Variants in SEMA4B observed in about 807,000 individuals in gnomAD.
The protein encoded by SEMA4B is semaphorin-4B.
A neutral mutation model predicts 88.1 loss-of-function variants in SEMA4B; 55 were observed. The observed-to-expected ratio is 0.62, with a 90% CI of 0.50 to 0.78. SEMA4B has a LOEUF of 0.78. Ranked by LOEUF, SEMA4B falls within the 30% of genes least tolerant of loss-of-function variation. SEMA4B has a pLI of 0.00. For missense variants in SEMA4B, 1,062 were observed against 1,111.9 expected, an observed-to-expected ratio of 0.96 and a Z score of 0.64; for synonymous variants, 525 against 473.6, an observed-to-expected ratio of 1.11 and a Z score of -1.41.
Position 90,209,290 on chromosome 15 carries a change from C to G in SEMA4B, c.157+7555C>G, listed in dbSNP as rs186143591. 9.2e-5 allele frequency among the ~76,000 whole-genome samples: 14 copies of G among 152,246 alleles called. No individual in the cohort carries two copies. The East Asian group carries it at 2.3e-3, about 25-fold the overall frequency. On this transcript the variant is annotated intron_variant, in intron 1 of 13. Coordinates refer to ENST00000411539, the MANE Select transcript of SEMA4B (RefSeq NM_198925.4). ...CAAAGACCGGGCGCGGTGGCTCACA[C>G]CTGTAATCCCAACACTTTGGGAGGC...
At chr15:90,192,653 C>T (rs1009959942) in intron 1 of SEMA4B, among the ~76,000 whole-genome samples, 3 of 143,310 alleles carry the variant, frequency 2.1e-5, no homozygotes, top group Non-Finnish European at 4.5e-5. Context: ...TGCAGTGGCA[C>T]GATCTTGGCT....
Position 90,225,061 on chromosome 15 carries a change from GA to G in SEMA4B, c.1289del (p.Asp430AlafsTer48). On this transcript the variant is annotated frameshift_variant, in exon 10 of 14. Transcript: ENST00000411539. LOFTEE classifies it high-confidence loss of function. ...LNFLKDHFLM[D>X]GQVRSRMLLL... ...CTTCCTCAAGGACCACTTCCTGATG[GA>G]CGGGCAGGTCCGAAGCCGCATGCTG... 5 of 1,613,854 alleles carry G rather than the reference GA, an allele frequency of 3.1e-6. No individual in the cohort carries two copies. Among genetic ancestry groups the G allele is most frequent in the Non-Finnish European group, 4.2e-6 (5 of 1,179,822 alleles).
rs201735740 is a variant in SEMA4B at position 90,212,518 on chromosome 15, GC to G, written c.158-4920del. 0.025 allele frequency among the ~76,000 whole-genome samples: 3,749 copies of G among 152,270 alleles called. 67 individuals are homozygous for G. The highest frequency in any genetic ancestry group is 0.038 in the Non-Finnish European group (2,590 of 68,010). ...CTTTGACACAAGGGAGAGCATAAAA[GC>G]TTAAGACTGACCCCAAGGTGCGCCA... On this transcript the variant is annotated intron_variant, in intron 1 of 13. Coordinates refer to ENST00000411539, the MANE Select transcript of SEMA4B (RefSeq NM_198925.4). The surrounding 1 kb of genome is among the most constrained non-coding windows in gnomAD (Gnocchi z 4.0).
chr15:90,222,959 T>A (rs1961940499), intron 7 of SEMA4B, among the ~76,000 whole-genome samples: 1 of 127,980 alleles, frequency 7.8e-6, no homozygotes, highest in Non-Finnish European at 1.7e-5. Context: ...TCTGTGTATA[T>A]ATATATATAC....
intron 3 of SEMA4B, chr15:90,219,527 GGATTCTGT>G (rs979359552): frequency 8.7e-6 from 4 of 459,660 alleles, no homozygotes; most frequent in African/African-American, 5.9e-5. Context: ...CAAAGGGGTA[GGATTCTGT>G]GCCCTCACCC....
At position 90,228,352 on chromosome 15, in the gene SEMA4B, G is replaced by A; in HGVS notation, c.2223G>A (p.Arg741=). The change falls in exon 14 of 14, where the codon CGG becomes CGA. Residue 741 remains arginine, a synonymous_variant. Coordinates refer to ENST00000411539, the MANE Select transcript of SEMA4B (RefSeq NM_198925.4). ...TTTTATTCTTGCTCTACCGGCACCGGAACAGCATGAAAGTCTTCCTGAAGC... is the reference window on the plus strand; with the variant it reads ...TTTTATTCTTGCTCTACCGGCACCGAAACAGCATGAAAGTCTTCCTGAAGC... ...LPVLFLLYRH[R]NSMKVFLKQG... is the part of the protein sequence containing the mutation. The A allele has an allele frequency of 6.2e-7, 1 of 1,601,520 alleles. No individual in the cohort carries two copies. Among genetic ancestry groups the A allele is most frequent in the South Asian group, 1.1e-5 (1 of 88,986 alleles).
At chr15:90,199,953 G>C (rs1960643655), upstream of SEMA4B, among the ~76,000 whole-genome samples, 1 of 152,166 alleles carries the variant, frequency 6.6e-6, no homozygotes, top group Non-Finnish European at 1.5e-5. Context: ...TCCAAACCTG[G>C]GCAATAGTAG....
chr15:90,204,196 C>T (rs1170638103), intron 1 of SEMA4B, among the ~76,000 whole-genome samples: 1 of 152,190 alleles, frequency 6.6e-6, no homozygotes, highest in East Asian at 1.9e-4. Flanking sequence ...CCCTAGTGCC[C>T]TCCCTTGCAT....
At chr15:90,194,594 C>T (rs1960445286) in intron 1 of SEMA4B, among the ~76,000 whole-genome samples, 1 of 151,984 alleles carries the variant, frequency 6.6e-6, no homozygotes. Flanking sequence ...TAGTGGCGTG[C>T]CATTGGGCTC....
chr15:90,225,246 G>A (rs1962092914), intron 10 of SEMA4B, 36 bp from the exon 11 acceptor site: 2 of 1,553,950 alleles, frequency 1.3e-6, no homozygotes, highest in South Asian at 2.4e-5. Flanking sequence ...TGGGCAGTGG[G>A]CTCCACCCAG....
At chr15:90,186,181 A>G (rs1420484890) in intron 1 of SEMA4B, among the ~76,000 whole-genome samples, 1 of 151,852 alleles carries the variant, frequency 6.6e-6, no homozygotes, top group Non-Finnish European at 1.5e-5. Flanking sequence ...TGATCCGCCC[A>G]CTTTGGCCTC....
chr15:90,208,376 G>A (rs118035666), intron 1 of SEMA4B, among the ~76,000 whole-genome samples: 2,258 of 152,264 alleles, frequency 0.015, 41 homozygotes, highest in South Asian at 0.083. Context: ...CCCCCATTCC[G>A]TGTAGCAGCA....
intron 7 of SEMA4B, 37 bp downstream of exon 7, chr15:90,221,802 G>T: frequency 6.2e-7 from 1 of 1,602,940 alleles, no homozygotes; most frequent in Non-Finnish European, 8.5e-7. Flanking sequence ...CCACCCCAGG[G>T]ACCTCAAAGC....
chr15:90,225,993 AGGAAATTGTGTGTTTATCTT>A (rs1962156542), intron 12 of SEMA4B, among the ~76,000 whole-genome samples, 166 bp downstream of exon 12: 1 of 152,212 alleles, frequency 6.6e-6, no homozygotes, highest in African/African-American at 2.4e-5. Context: ...CAATTCAGAC[AGGAAATTGTGTGTTTATCTT>A]GGCTACCTGT....
At chr15:90,222,133 T>C (rs1041445551) in intron 7 of SEMA4B, among the ~76,000 whole-genome samples, 5 of 149,228 alleles carry the variant, frequency 3.4e-5, no homozygotes, top group African/African-American at 4.9e-5. Flanking sequence ...AGAGATGGGG[T>C]TTTACCACGT....
In SEMA4B at chr15:90,225,298, CAAG is replaced by C; in HGVS notation, c.1423_1425del (p.Lys475del). 6.4e-7 allele frequency: 1 copy of C among 1,558,664 alleles called. No homozygotes were observed. The highest frequency in any genetic ancestry group is 8.7e-7 in the Non-Finnish European group (1 of 1,151,714). On this transcript the variant is annotated inframe_deletion, in exon 11 of 14. Transcript: ENST00000411539. ...ACACCCCAGGTGACGGCCGGCTCCACAAGGCAGTGAGCGTGGGCCCCCGGGTGC... is the reference window on the plus strand; with the variant it reads ...ACACCCCAGGTGACGGCCGGCTCCACGCAGTGAGCGTGGGCCCCCGGGTGC...
At chr15:90,202,642 A>G (rs1256075783) in intron 1 of SEMA4B, among the ~76,000 whole-genome samples, 2 of 152,106 alleles carry the variant, frequency 1.3e-5, no homozygotes, top group Non-Finnish European at 2.9e-5. Flanking sequence ...CACCTTTCTC[A>G]TCTGCAAAAT....
Position 90,228,030 on chromosome 15 carries a change from C to G in SEMA4B, c.1901C>G (p.Ser634Cys), listed in dbSNP as rs763433707. 20 of 1,613,826 alleles carry G rather than the reference C, an allele frequency of 1.2e-5. No homozygotes were observed. Among genetic ancestry groups the G allele is most frequent in the Non-Finnish European group, 1.6e-5 (19 of 1,179,886 alleles). The change falls in exon 14 of 14, where the codon TCC (serine) becomes TGC (cysteine). Residue 634 changes from serine (S) to cysteine (C), a missense_variant. Coordinates refer to ENST00000411539, the MANE Select transcript of SEMA4B (RefSeq NM_198925.4). Reference protein sequence around the residue: ...RNGAPVNASASCHVLPTGDLL... With the variant: ...RNGAPVNASACCHVLPTGDLL... ...GGGGCCCCCGTCAATGCCTCGGCCTCCTGCCACGTGCTACCCACTGGGGAC... is the reference window on the plus strand; with the variant it reads ...GGGGCCCCCGTCAATGCCTCGGCCTGCTGCCACGTGCTACCCACTGGGGAC...
intron 1 of SEMA4B, among the ~76,000 whole-genome samples, chr15:90,207,559 T>A (rs1961055631): frequency 6.6e-6 from 1 of 152,182 alleles, no homozygotes; most frequent in Admixed American, 6.5e-5. Context: ...TGAAGCTAAC[T>A]CATTATCAAG....
Sources: gnomAD v4.1 joint callset for allele counts (sites outside exome capture counted in the v4.1 genomes callset) on GRCh38, gnomAD v4.1.1 for gene constraint, Gnocchi (gnomAD v3.1) non-coding constraint, MANE v1.5 for transcripts, NCBI Gene and HGNC (gene_info 2026-07-23, HGNC 2026-07-21) for gene names.